ANKS1B: variants seen among roughly 807,000 people sequenced by gnomAD.
The protein encoded by ANKS1B is ankyrin repeat and sterile alpha motif domain containing 1B.
In ANKS1B, 36 loss-of-function variants were observed where a neutral mutation model predicts 148.3. That is an observed-to-expected ratio of 0.24 (90% confidence interval 0.19 to 0.32). ANKS1B has a LOEUF of 0.32. Among genes scored for constraint, ANKS1B ranks in the 10% least tolerant of loss-of-function variants. The probability of loss-of-function intolerance (pLI) is 1.00; values close to 1 mark genes in which losing one functional copy is unlikely to be tolerated. For synonymous variants in ANKS1B, 542 were observed against 560.8 expected, an observed-to-expected ratio of 0.97 and a Z score of 0.47; for missense variants, 1,157 against 1,542.6, an observed-to-expected ratio of 0.75 and a Z score of 4.19.
At chr12:99,753,502 T>A (rs1342407154) in intron 8 of ANKS1B, among the ~76,000 whole-genome samples, 1 of 152,150 alleles carries the variant, frequency 6.6e-6, no homozygotes, top group African/African-American at 2.4e-5. Context: ...GTATCACTGC[T>A]CTGTATACTT....
At chr12:99,173,231 T>C (rs925895496) in intron 14 of ANKS1B, among the ~76,000 whole-genome samples, 7 of 152,218 alleles carry the variant, frequency 4.6e-5, no homozygotes, top group African/African-American at 1.7e-4. Context: ...GATGCTTATT[T>C]ACCTTCTTGA....
At chr12:99,136,405 C>T (rs1227471749) in intron 15 of ANKS1B, among the ~76,000 whole-genome samples, 1 of 152,136 alleles carries the variant, frequency 6.6e-6, no homozygotes, top group Non-Finnish European at 1.5e-5. Context: ...ACAGGAGAAG[C>T]CAATCCAGAT....
intron 14 of ANKS1B, among the ~76,000 whole-genome samples, chr12:99,198,762 G>T (rs2081692572): frequency 6.6e-6 from 1 of 152,086 alleles, no homozygotes; most frequent in South Asian, 2.1e-4. Context: ...CATAGAATCA[G>T]CCTGCAAGAG....
At chr12:99,144,190 T>C (rs1203314103) in intron 15 of ANKS1B, among the ~76,000 whole-genome samples, 1 of 152,074 alleles carries the variant, frequency 6.6e-6, no homozygotes, top group Non-Finnish European at 1.5e-5. Context: ...TTGGAGTGCT[T>C]CTATCAGGTA....
At chr12:99,373,680 T>C (rs1444629477) in intron 12 of ANKS1B, among the ~76,000 whole-genome samples, 1 of 152,122 alleles carries the variant, frequency 6.6e-6, no homozygotes, top group Non-Finnish European at 1.5e-5. Context: ...TGAATACTTG[T>C]TTCATTTTTT....
chr12:99,365,246 C>T (rs946035329), intron 12 of ANKS1B, among the ~76,000 whole-genome samples: 1 of 152,164 alleles, frequency 6.6e-6, no homozygotes, highest in African/African-American at 2.4e-5. Context: ...ACACAGAGGC[C>T]CAAAGCTCAA....
chr12:99,411,356 A>T (rs1207529797), intron 11 of ANKS1B, among the ~76,000 whole-genome samples: 2 of 152,188 alleles, frequency 1.3e-5, no homozygotes, highest in African/African-American at 4.8e-5. Context: ...CTCTAGCTAC[A>T]TTCATGCTGC....
At position 99,066,053 on chromosome 12, in the gene ANKS1B, T is replaced by C. The variant is rs367929798; in HGVS notation, c.2626-12744A>G. Among the ~76,000 whole-genome samples the C allele has an allele frequency of 9.9e-5, 15 of 152,182 alleles. No homozygotes were observed. In the South Asian group the frequency reaches 1.2e-3, roughly 13 times the overall value. On this transcript the variant is annotated intron_variant, in intron 16 of 26. Transcript: ENST00000683438. Reference sequence around the variant, plus strand: ...TGGATTGGCTGGGCACAGTGACTCATGTCTGTAATCCCAGAACTTTGGGAG... The same window carrying C: ...TGGATTGGCTGGGCACAGTGACTCACGTCTGTAATCCCAGAACTTTGGGAG...
chr12:98,926,036 G>A (rs548365650), intron 17 of ANKS1B, among the ~76,000 whole-genome samples: 36 of 152,252 alleles, frequency 2.4e-4, no homozygotes, highest in African/African-American at 8.2e-4. Flanking sequence ...TGGTAATCTA[G>A]AAGGCCATGC....
At chr12:99,469,688 A>T (rs2096205084) in intron 10 of ANKS1B, among the ~76,000 whole-genome samples, 1 of 152,188 alleles carries the variant, frequency 6.6e-6, no homozygotes, top group African/African-American at 2.4e-5. Flanking sequence ...TTAAATACTG[A>T]TGAGAACAAA....
chr12:99,946,406 T>C (rs1052650581), intron 1 of ANKS1B, among the ~76,000 whole-genome samples: 8 of 152,124 alleles, frequency 5.3e-5, no homozygotes, highest in African/African-American at 1.9e-4. Flanking sequence ...AGTTCTGGTG[T>C]GCAGATGGCC....
At chr12:99,716,302 C>T (rs542324190) in intron 8 of ANKS1B, among the ~76,000 whole-genome samples, 3 of 148,412 alleles carry the variant, frequency 2.0e-5, no homozygotes, top group Admixed American at 6.6e-5. Flanking sequence ...GACCTCTTAT[C>T]TCTGCACCCC....
intron 14 of ANKS1B, among the ~76,000 whole-genome samples, chr12:99,157,697 T>C (rs941118533): frequency 6.6e-6 from 1 of 152,040 alleles, no homozygotes; most frequent in Non-Finnish European, 1.5e-5. Flanking sequence ...GGAGATTACA[T>C]AATGGGTACA....
chr12:99,360,581 T>A (rs1463458278), intron 12 of ANKS1B, among the ~76,000 whole-genome samples: 1 of 152,110 alleles, frequency 6.6e-6, no homozygotes, highest in Non-Finnish European at 1.5e-5. Flanking sequence ...AGTGTGGTAA[T>A]CCCAAGAAAG....
intron 17 of ANKS1B, among the ~76,000 whole-genome samples, chr12:98,913,753 G>A (rs1387132350): frequency 5.9e-5 from 9 of 152,010 alleles, no homozygotes; most frequent in Non-Finnish European, 8.8e-5. Flanking sequence ...TCAGCCTCCC[G>A]AGTAGCTACG....
intron 12 of ANKS1B, among the ~76,000 whole-genome samples, chr12:99,304,448 G>A (rs2082091032): frequency 6.6e-6 from 1 of 152,076 alleles, no homozygotes. Context: ...GTGCAGTGCT[G>A]ATTCTTGGCT....
At chr12:98,768,554 G>A (rs1229189962) in intron 25 of ANKS1B, among the ~76,000 whole-genome samples, 2 of 151,198 alleles carry the variant, frequency 1.3e-5, no homozygotes, top group Non-Finnish European at 2.9e-5. Flanking sequence ...CTAACATGGT[G>A]AAACCCGGTC....
At chr12:99,618,547 T>C (rs999719736) in intron 9 of ANKS1B, among the ~76,000 whole-genome samples, 1 of 152,112 alleles carries the variant, frequency 6.6e-6, no homozygotes, top group Non-Finnish European at 1.5e-5. Context: ...ACAGCTTCCA[T>C]GACAGCATCT....
chr12:99,371,635 C>T (rs2093140975), intron 12 of ANKS1B, among the ~76,000 whole-genome samples: 1 of 151,856 alleles, frequency 6.6e-6, no homozygotes, highest in Admixed American at 6.6e-5. Flanking sequence ...TCTGAAAAAG[C>T]CTAATACAAT....
Sources: gnomAD v4.1 joint callset for allele counts (sites outside exome capture counted in the v4.1 genomes callset) on GRCh38, gnomAD v4.1.1 for gene constraint, MANE v1.5 for transcripts, NCBI Gene and HGNC (gene_info 2026-07-23, HGNC 2026-07-21) for gene names.